The following PAX7 variants were observed in gnomAD, a reference collection of about 807,000 sequenced individuals.
PAX7 encodes the protein paired box 7, also known as paired box protein Pax-7.
PAX7 carries 18 observed loss-of-function variants against 50.7 expected under a neutral mutation model. That is an observed-to-expected ratio of 0.36 (90% CI 0.25 to 0.53). PAX7 has a LOEUF of 0.53. Ranked by LOEUF, PAX7 falls within the 20% of genes least tolerant of loss-of-function variation. The pLI is 0.93. For synonymous variants in PAX7, 310 were observed against 290.4 expected, an observed-to-expected ratio of 1.07 and a Z score of -0.69; for missense variants, 644 against 702.9, an observed-to-expected ratio of 0.92 and a Z score of 0.95.
intron 4 of PAX7, among the ~76,000 whole-genome samples, chr1:18,689,074 T>A (rs1298955941): frequency 6.6e-6 from 1 of 152,068 alleles, no homozygotes; most frequent in East Asian, 1.9e-4. Context: ...GAGACTGCAC[T>A]CCCTACAACT....
At chr1:18,722,331 C>CGCCA (rs1269154127) in intron 7 of PAX7, among the ~76,000 whole-genome samples, 1 of 151,946 alleles carries the variant, frequency 6.6e-6, no homozygotes, top group African/African-American at 2.4e-5. Context: ...CAGCCTGCAT[C>CGCCA]GCCAGCGAGA....
chr1:18,737,336 C>G (rs12145248), intron 8 of PAX7, among the ~76,000 whole-genome samples: 2,583 of 152,340 alleles, frequency 0.017, 87 homozygotes, highest in African/African-American at 0.059. Flanking sequence ...CCCACCCCCC[C>G]AAACCCACTC....
chr1:18,724,192 G>A (rs142320640), intron 7 of PAX7, among the ~76,000 whole-genome samples: 80 of 152,284 alleles, frequency 5.3e-4, no homozygotes, highest in African/African-American at 1.8e-3. Context: ...CCGGGAGAGG[G>A]CTGGCTGGGC....
chr1:18,649,578 T>C (rs760355255), intron 4 of PAX7, among the ~76,000 whole-genome samples: 1 of 150,728 alleles, frequency 6.6e-6, no homozygotes, highest in Non-Finnish European at 1.5e-5. Context: ...CAGGGGAGAC[T>C]GTGGTTCAAG....
intron 4 of PAX7, among the ~76,000 whole-genome samples, chr1:18,641,054 C>A (rs1257122583): frequency 6.6e-6 from 1 of 152,242 alleles, no homozygotes; most frequent in Admixed American, 6.5e-5. Context: ...GAGGAGATAA[C>A]TATTACAAAG....
intron 8 of PAX7, among the ~76,000 whole-genome samples, chr1:18,741,541 C>T (rs775749859): frequency 6.6e-6 from 1 of 152,114 alleles, no homozygotes; most frequent in Non-Finnish European, 1.5e-5. Flanking sequence ...GATCATTACA[C>T]ATTCTATGCA....
Position 18,700,600 on chromosome 1 carries a change from C to T in PAX7, c.787-53C>T. Reference sequence around the variant, plus strand: ...AACTGGGTCTACATGTGTTGCAGCTCTCTGCCAGGAACCTGGCCGAGGGGT... The same window carrying T: ...AACTGGGTCTACATGTGTTGCAGCTTTCTGCCAGGAACCTGGCCGAGGGGT... On this transcript the variant is annotated intron_variant, in intron 5 of 8. Coordinates refer to ENST00000420770, the MANE Select transcript of PAX7 (RefSeq NM_001135254.2). This position sits in a 1 kb window ranked among gnomAD's most constrained non-coding sequence, Gnocchi z 4.8. 1.4e-6 allele frequency: 2 copies of T among 1,461,522 alleles called. No homozygotes were observed. Among genetic ancestry groups the T allele is most frequent in the East Asian group, 2.6e-5 (1 of 38,156 alleles). The allele number at this position is 1,461,522 out of a possible 1,614,324, so 90.5% of individuals were successfully genotyped here.
At position 18,735,807 on chromosome 1, in the gene PAX7, C is replaced by T. The variant is rs746525941; in HGVS notation, c.1331C>T (p.Pro444Leu). The change falls in exon 8 of 9, where the codon CCA becomes CTA. Residue 444 changes from proline to leucine, a missense_variant. Pro to Leu is a moderately conservative substitution (Grantham distance 98, BLOSUM62 -3). Coordinates refer to ENST00000420770, the MANE Select transcript of PAX7 (RefSeq NM_001135254.2). This position sits in a 1 kb window ranked among gnomAD's most constrained non-coding sequence, Gnocchi z 4.0. ...DSLPTSQAYC[P>L]PTYSTTGYSV... ...CTGCCCACCTCCCAGGCCTACTGCCCACCCACCTACAGCACCACCGGCTAC... is the reference window on the plus strand; with the variant it reads ...CTGCCCACCTCCCAGGCCTACTGCCTACCCACCTACAGCACCACCGGCTAC... 2.5e-6 allele frequency: 4 copies of T among 1,614,124 alleles called. No individual in the cohort carries two copies. In the Admixed American group the frequency reaches 5.0e-5, roughly 20 times the overall value.
At chr1:18,683,479 G>T (rs549035743) in intron 4 of PAX7, among the ~76,000 whole-genome samples, 1 of 152,210 alleles carries the variant, frequency 6.6e-6, no homozygotes, top group South Asian at 2.1e-4. Context: ...TTGGAGATTC[G>T]GCAACGAATC....
intron 4 of PAX7, among the ~76,000 whole-genome samples, chr1:18,644,629 A>G (rs1446131666): frequency 6.6e-6 from 1 of 151,912 alleles, no homozygotes. Flanking sequence ...TTCTCCAGGG[A>G]GCTTCTGATT....
At chr1:18,652,425 G>A (rs1248363681) in intron 4 of PAX7, among the ~76,000 whole-genome samples, 1 of 152,210 alleles carries the variant, frequency 6.6e-6, no homozygotes, top group Non-Finnish European at 1.5e-5. Flanking sequence ...CACCAATACG[G>A]AAAGGCTTTC....
chr1:18,683,281 T>A (rs898328649), intron 4 of PAX7, among the ~76,000 whole-genome samples: 1 of 152,346 alleles, frequency 6.6e-6, no homozygotes, highest in Admixed American at 6.5e-5. Context: ...CAGCTATGGA[T>A]ACCTTAGACC....
At chr1:18,688,832 T>C (rs2100288811) in intron 4 of PAX7, among the ~76,000 whole-genome samples, 1 of 152,320 alleles carries the variant, frequency 6.6e-6, no homozygotes, top group African/African-American at 2.4e-5. Context: ...GACAACCATT[T>C]GAACCCGGGA....
intron 7 of PAX7, among the ~76,000 whole-genome samples, chr1:18,717,640 C>G (rs2089444731): frequency 6.6e-6 from 1 of 152,196 alleles, no homozygotes; most frequent in African/African-American, 2.4e-5. Context: ...GGATACCGCT[C>G]TCTCCCTCTA....
intron 4 of PAX7, among the ~76,000 whole-genome samples, chr1:18,654,917 C>CT (rs1327394236): frequency 1.3e-5 from 2 of 152,214 alleles, no homozygotes; most frequent in African/African-American, 4.8e-5. Flanking sequence ...GGCTTTGGGC[C>CT]TGGGGCCTCC....
intron 7 of PAX7, among the ~76,000 whole-genome samples, chr1:18,727,370 A>T (rs146897442): frequency 5.4e-3 from 96 of 17,646 alleles, no homozygotes; most frequent in African/African-American, 0.019. Context: ...TCTCTCTCTC[A>T]TACACACACA....
intron 4 of PAX7, among the ~76,000 whole-genome samples, chr1:18,690,606 T>A (rs1027859889): frequency 1.3e-5 from 2 of 152,240 alleles, no homozygotes; most frequent in Non-Finnish European, 2.9e-5. Flanking sequence ...ATTCCTGGCC[T>A]GATAACCCCA....
At chr1:18,658,125 AC>A (rs1204854734) in intron 4 of PAX7, among the ~76,000 whole-genome samples, 1 of 152,156 alleles carries the variant, frequency 6.6e-6, no homozygotes, top group Non-Finnish European at 1.5e-5. Context: ...GCATTAATGT[AC>A]ATCTGCAGCG....
chr1:18,697,119 G>T (rs1234944172), intron 5 of PAX7, among the ~76,000 whole-genome samples: 3 of 152,112 alleles, frequency 2.0e-5, no homozygotes, highest in Admixed American at 6.5e-5. Flanking sequence ...TATCTGCTCA[G>T]GTTCGTTTCC....
Sources: gnomAD v4.1 joint callset for allele counts (sites outside exome capture counted in the v4.1 genomes callset) on GRCh38, gnomAD v4.1.1 for gene constraint, Gnocchi (gnomAD v3.1) non-coding constraint, MANE v1.5 for transcripts, NCBI Gene and HGNC (gene_info 2026-07-23, HGNC 2026-07-21) for gene names.